SORL1: variants seen among roughly 807,000 people sequenced by gnomAD.
SORL1 encodes sortilin related receptor 1.
Under a neutral mutation model 273.7 loss-of-function variants are expected in SORL1, and 127 were observed. The ratio of observed to expected loss-of-function variants is 0.46; its 90% CI spans 0.40 to 0.54. The LOEUF (loss-of-function observed/expected upper bound fraction) is 0.54. SORL1 is among the 20% of genes least tolerant of loss of function. The pLI is 0.00. For missense variants in SORL1, 2,494 were observed against 2,846.1 expected (o/e 0.88, Z 2.81); for synonymous variants, 1,031 against 1,067.4 (o/e 0.97, Z 0.66).
intron 14 of SORL1, among the ~76,000 whole-genome samples, chr11:121,548,150 A>G (rs1286745890): frequency 6.6e-6 from 1 of 152,220 alleles, no homozygotes; most frequent in African/African-American, 2.4e-5. Context: ...TTAAAACACA[A>G]GTTTTAGGAG....
chr11:121,478,463 T>G (rs1861316430), intron 3 of SORL1, among the ~76,000 whole-genome samples: 1 of 152,152 alleles, frequency 6.6e-6, no homozygotes. Context: ...TCAGGCAGGA[T>G]TTCTAGACAA....
chr11:121,587,928 C>T lies in SORL1; in HGVS notation c.3815-92C>T, dbSNP rs1029124227. 5.4e-6 allele frequency: 8 copies of T among 1,486,782 alleles called. No homozygotes were observed. The Admixed American group carries it at 1.3e-4, about 24-fold the overall frequency. 92.1% of individuals were successfully genotyped at this position (1,486,782 alleles called of 1,614,324 possible). On this transcript the variant is annotated intron_variant, in intron 27 of 47. Coordinates refer to ENST00000260197, the MANE Select transcript of SORL1 (RefSeq NM_003105.6). The stretch of plus-strand genomic sequence containing the variant: ...TGGCTTTTACTGTTGCTTCCTGAAG[C>T]CACATCTGTACTCGTGTGCACTTGC...
rs1203108678 is a variant in SORL1 at position 121,633,366 on chromosome 11, CCATT to C, written c.*3804_*3807del. The C allele has an allele frequency of 6.6e-6, 1 of 152,084 alleles. No individual in the cohort carries two copies. The highest frequency in any genetic ancestry group is 1.9e-4 in the East Asian group (1 of 5,200). The allele number at this position is 152,084 out of a possible 1,614,324, so 9.4% of individuals were successfully genotyped here. Reference sequence around the variant, plus strand: ...GAATAAGCATGAATGCTGGAGTGGACCATTATCCTCAAATATTCTATGTCACTTC... The same window carrying C: ...GAATAAGCATGAATGCTGGAGTGGACATCCTCAAATATTCTATGTCACTTC... On this transcript the variant is annotated 3_prime_UTR_variant, in exon 48 of 48. Coordinates refer to ENST00000260197, the MANE Select transcript of SORL1 (RefSeq NM_003105.6).
rs776095092 is a variant in SORL1, at chr11:121,554,065, C to T, written c.2395C>T (p.His799Tyr). 25 of 1,614,054 alleles carry T rather than the reference C, an allele frequency of 1.5e-5. No individual in the cohort carries two copies. Among genetic ancestry groups the T allele is most frequent in the Non-Finnish European group, 2.1e-5 (25 of 1,180,036 alleles). ...AGTGGCCCTGGACTTTGACTATGAG[C>T]ACAACTGTTTGTATTGGTCCGACCT... ...AAVALDFDYE[H>Y]NCLYWSDLAL... is the part of the protein sequence containing the mutation. Residue 799 changes from histidine to tyrosine, a missense_variant, in exon 17 of 48, where the codon CAC becomes TAC. By Grantham distance (83) the His-to-Tyr change is moderately conservative. This residue lies in a region of SORL1 where 710 missense variants were observed against 882.5 expected (regional missense o/e 0.80). Transcript: ENST00000260197. The surrounding 1 kb of genome is among the most constrained non-coding windows in gnomAD (Gnocchi z 4.6).
chr11:121,482,842 A>G (rs1360768363), intron 3 of SORL1, among the ~76,000 whole-genome samples: 1 of 152,192 alleles, frequency 6.6e-6, no homozygotes, highest in Non-Finnish European at 1.5e-5. Context: ...GGAAGGGGAG[A>G]GAAGGTGCTA....
intron 23 of SORL1, among the ~76,000 whole-genome samples, chr11:121,573,764 C>A (rs950826671): frequency 6.6e-6 from 1 of 152,226 alleles, no homozygotes; most frequent in Non-Finnish European, 1.5e-5. Flanking sequence ...GGTACCCAGT[C>A]TTGACTGACT....
intron 1 of SORL1, among the ~76,000 whole-genome samples, chr11:121,466,673 T>C (rs971731723): frequency 2.6e-5 from 4 of 152,172 alleles, no homozygotes; most frequent in Admixed American, 6.5e-5. Flanking sequence ...TCCCCTGTCC[T>C]GCGCGCATCC....
intron 3 of SORL1, among the ~76,000 whole-genome samples, chr11:121,486,610 G>A (rs915236573): frequency 5.3e-5 from 8 of 151,752 alleles, no homozygotes; most frequent in Non-Finnish European, 1.5e-5. Context: ...CTCCCGAGTA[G>A]CTGGGATTAC....
intron 21 of SORL1, among the ~76,000 whole-genome samples, chr11:121,560,738 A>G (rs758133244): frequency 4.6e-5 from 7 of 152,234 alleles, no homozygotes; most frequent in Non-Finnish European, 8.8e-5. Context: ...GGAAAACTAT[A>G]AAGTGTCTTA....
intron 45 of SORL1, among the ~76,000 whole-genome samples, chr11:121,622,637 G>A (rs986886611): frequency 6.6e-6 from 1 of 152,194 alleles, no homozygotes; most frequent in Non-Finnish European, 1.5e-5. Context: ...TGGGACTGTG[G>A]CTTCAGTACC....
At position 121,555,252 on chromosome 11, in the gene SORL1, A is replaced by T. The variant is rs763013176; in HGVS notation, c.2505A>T (p.Glu835Asp). The stretch of plus-strand genomic sequence containing the variant: ...TCAATTCTGGCCTGGAGACAGTAGA[A>T]GCTTTGGCTTTTGAACCCCTCAGCC... ...VIINSGLETV[E>D]ALAFEPLSQL... The change falls in exon 18 of 48, where the codon GAA (glutamate) becomes GAT (aspartate). Residue 835 changes from glutamate (E) to aspartate (D), a missense_variant. Glu to Asp is a conservative substitution (Grantham distance 45, BLOSUM62 2). Coordinates refer to ENST00000260197, the MANE Select transcript of SORL1 (RefSeq NM_003105.6). 6.2e-7 allele frequency: 1 copy of T among 1,614,030 alleles called. No individual in the cohort carries two copies. The highest frequency in any genetic ancestry group is 1.3e-5 in the African/African-American group (1 of 74,942).
At chr11:121,493,077 C>A (rs749542303) in intron 5 of SORL1, among the ~76,000 whole-genome samples, 1 of 152,112 alleles carries the variant, frequency 6.6e-6, no homozygotes, top group South Asian at 2.1e-4. Context: ...CTCTTGGGCT[C>A]AAGTGATCCT....
intron 14 of SORL1, among the ~76,000 whole-genome samples, chr11:121,549,408 G>A (rs1862475921): frequency 6.6e-6 from 1 of 151,730 alleles, no homozygotes; most frequent in African/African-American, 2.4e-5. Context: ...ATTCTTTTTT[G>A]TAGAGACAGG....
At chr11:121,578,721 C>G (rs1351814946) in intron 25 of SORL1, among the ~76,000 whole-genome samples, 1 of 152,212 alleles carries the variant, frequency 6.6e-6, no homozygotes, top group Admixed American at 6.5e-5. Flanking sequence ...GTGAATAGAT[C>G]TCTTCAAATG....
intron 1 of SORL1, among the ~76,000 whole-genome samples, chr11:121,455,762 G>T (rs551723929): frequency 3.9e-5 from 6 of 152,330 alleles, no homozygotes; most frequent in South Asian, 2.1e-4. Context: ...GGAGGCCGAG[G>T]CGGGTGGATC....
chr11:121,608,279 C>A, intron 38 of SORL1, 103 bp downstream of exon 38: 1 of 941,586 alleles, frequency 1.1e-6, no homozygotes, highest in Non-Finnish European at 1.6e-6. Flanking sequence ...TTTAGAAAAA[C>A]ATCACACAAC....
chr11:121,585,678 T>C (rs1250098011), intron 26 of SORL1, among the ~76,000 whole-genome samples: 1 of 152,228 alleles, frequency 6.6e-6, no homozygotes, highest in African/African-American at 2.4e-5. Context: ...AATATTTTTG[T>C]GCATATATAA....
chr11:121,554,760 A>G lies in SORL1; in HGVS notation c.2440-427A>G, dbSNP rs945620314. ...CGGTGATGCTGAATGGAGCTGTCCA[A>G]CAATAGCACTTGATGGCTAAGAGCC... is the stretch of plus-strand genomic sequence containing the variant. On this transcript the variant is annotated intron_variant, in intron 17 of 47. Coordinates refer to ENST00000260197, the MANE Select transcript of SORL1 (RefSeq NM_003105.6). This position sits in a 1 kb window ranked among gnomAD's most constrained non-coding sequence, Gnocchi z 4.6. Among the ~76,000 whole-genome samples, 11 of 152,216 alleles carry G rather than the reference A, an allele frequency of 7.2e-5. No individual in the cohort carries two copies. The highest frequency in any genetic ancestry group is 3.3e-4 in the Admixed American group (5 of 15,284).
In SORL1 at chr11:121,559,620, C is replaced by G; in HGVS notation, c.3012C>G (p.Leu1004=). The G allele has an allele frequency of 1.2e-6, 2 of 1,614,102 alleles. No homozygotes were observed. Among genetic ancestry groups the G allele is most frequent in the Non-Finnish European group, 1.7e-6 (2 of 1,180,000 alleles). ...MEILANQLTG[L]MDMKIFYKGK... ...TTCTGGCAAACCAGCTCACGGGGCT[C>G]ATGGACATGAAGATTTTCTACAAGG... The change falls in exon 21 of 48, where the codon CTC becomes CTG. Residue 1004 remains leucine (L), a synonymous_variant. Coordinates refer to ENST00000260197, the MANE Select transcript of SORL1 (RefSeq NM_003105.6).
Sources: gnomAD v4.1 joint callset for allele counts (sites outside exome capture counted in the v4.1 genomes callset) on GRCh38, gnomAD v4.1.1 for gene constraint, gnomAD v4.1.1 regional missense constraint, Gnocchi (gnomAD v3.1) non-coding constraint, MANE v1.5 for transcripts, NCBI Gene and HGNC (gene_info 2026-07-23, HGNC 2026-07-21) for gene names.